Variants in ARHGAP18 observed in about 807,000 individuals in gnomAD.
ARHGAP18 encodes the protein rho GTPase-activating protein 18.
In ARHGAP18, 67 loss-of-function variants were observed where a neutral mutation model predicts 86.2. The ratio of observed to expected loss-of-function variants is 0.78; its 90% CI spans 0.64 to 0.95. The LOEUF (loss-of-function observed/expected upper bound fraction) is 0.95, where lower values mean the gene tolerates loss of function less well. Among genes scored for constraint, ARHGAP18 ranks in the 40% least tolerant of loss-of-function variants. The pLI is 0.00. For synonymous variants in ARHGAP18, 283 were observed against 280.4 expected (o/e 1.01, Z -0.09); for missense variants, 691 against 780.4 (o/e 0.89, Z 1.37).
intron 1 of ARHGAP18, among the ~76,000 whole-genome samples, chr6:129,670,350 G>A (rs1394980215): frequency 6.6e-6 from 1 of 152,192 alleles, no homozygotes; most frequent in African/African-American, 2.4e-5. Flanking sequence ...GTCACCTGGA[G>A]TTTTAGTATT....
chr6:129,610,385 A>T (rs1008830546), intron 8 of ARHGAP18, among the ~76,000 whole-genome samples: 4 of 152,234 alleles, frequency 2.6e-5, no homozygotes, highest in Non-Finnish European at 5.9e-5. Flanking sequence ...GTACCCTGGA[A>T]CAGTGGGAAG....
chr6:129,703,653 T>C (rs1340739873), intron 1 of ARHGAP18, among the ~76,000 whole-genome samples: 4 of 152,234 alleles, frequency 2.6e-5, no homozygotes, highest in Non-Finnish European at 2.9e-5. Flanking sequence ...AAATATCACA[T>C]GTCTGTGAAT....
In ARHGAP18 at chr6:129,676,315, C is replaced by G. The variant is rs571618575; in HGVS notation, c.113+33709G>C. Among the ~76,000 whole-genome samples, 7 of 152,280 alleles carry G rather than the reference C, an allele frequency of 4.6e-5. No individual in the cohort carries two copies. In the South Asian group the frequency reaches 1.5e-3, roughly 32 times the overall value. On this transcript the variant is annotated intron_variant, in intron 1 of 14. Coordinates refer to ENST00000368149, the MANE Select transcript of ARHGAP18 (RefSeq NM_033515.3). ...CTAACCACCCACAAAGGTTAAATTA[C>G]CCTAATGAGTTGCAGAGGGGGGGCA...
At chr6:129,677,294 G>A (rs1281381938) in intron 1 of ARHGAP18, among the ~76,000 whole-genome samples, 1 of 152,070 alleles carries the variant, frequency 6.6e-6, no homozygotes, top group Non-Finnish European at 1.5e-5. Context: ...TGAAGAGGCT[G>A]AGGCAGGAGA....
chr6:129,600,066 T>C (rs776066270), intron 11 of ARHGAP18, among the ~76,000 whole-genome samples: 1 of 152,168 alleles, frequency 6.6e-6, no homozygotes, highest in Non-Finnish European at 1.5e-5. Flanking sequence ...AATTAATGTT[T>C]GGAAGCTCCT....
At position 129,669,172 on chromosome 6, in the gene ARHGAP18, C is replaced by CTTT. The variant is rs760713815; in HGVS notation, c.114-27157_114-27155dup. Among the ~76,000 whole-genome samples the CTTT allele has an allele frequency of 1.9e-4, 27 of 144,976 alleles. 1 individual carries two copies. Among genetic ancestry groups the CTTT allele is most frequent in the African/African-American group, 2.8e-4 (11 of 39,702 alleles). Reference sequence around the variant, plus strand: ...TGCTGTGCTTGGCATCTAACACGCACTTTTTTTTTTTTTTCTTGAGACGGA... The same window carrying CTTT: ...TGCTGTGCTTGGCATCTAACACGCACTTTTTTTTTTTTTTTTTCTTGAGACGGA... On this transcript the variant is annotated intron_variant, in intron 1 of 14. Coordinates refer to ENST00000368149, the MANE Select transcript of ARHGAP18 (RefSeq NM_033515.3).
intron 1 of ARHGAP18, among the ~76,000 whole-genome samples, chr6:129,678,531 A>C (rs926084915): frequency 7.2e-5 from 11 of 152,232 alleles, no homozygotes; most frequent in Non-Finnish European, 1.5e-5. Context: ...AAAATTGTGG[A>C]AATTTTAATA....
chr6:129,603,525 G>A (rs1788791974), intron 10 of ARHGAP18, among the ~76,000 whole-genome samples: 1 of 152,128 alleles, frequency 6.6e-6, no homozygotes, highest in Admixed American at 6.6e-5. Flanking sequence ...CAATTACTTA[G>A]TAGCTGGGTA....
intron 11 of ARHGAP18, 137 bp downstream of exon 11, chr6:129,600,505 C>A: frequency 3.3e-6 from 2 of 613,880 alleles, no homozygotes; most frequent in Non-Finnish European, 5.3e-6. Context: ...TTCACAGGGC[C>A]CTCCTTACCT....
At chr6:129,625,076 A>C (rs1374543959) in intron 5 of ARHGAP18, among the ~76,000 whole-genome samples, 1 of 100,578 alleles carries the variant, frequency 9.9e-6, no homozygotes, top group Non-Finnish European at 1.8e-5. Context: ...TATATATAAT[A>C]TATATGATAT....
intron 1 of ARHGAP18, among the ~76,000 whole-genome samples, chr6:129,706,094 TA>T (rs1337876309): frequency 1.3e-5 from 2 of 152,096 alleles, no homozygotes; most frequent in African/African-American, 4.8e-5. Context: ...AAAGGCCCAA[TA>T]AAAAAGGTTA....
chr6:129,698,799 T>A (rs1445529730), intron 1 of ARHGAP18, among the ~76,000 whole-genome samples: 1 of 151,460 alleles, frequency 6.6e-6, no homozygotes, highest in African/African-American at 2.4e-5. Context: ...TTCAAGTAAT[T>A]CTCCTGCCTC....
chr6:129,709,014 T>A lies in ARHGAP18; in HGVS notation c.113+1010A>T, dbSNP rs1774853834. ...CTGAGTATTACAGCCATTCCTTTGA[T>A]TTTTCTCCCTCCCTCATATTTGGAG... On this transcript the variant is annotated intron_variant, in intron 1 of 14. Transcript: ENST00000368149. Among the ~76,000 whole-genome samples the A allele has an allele frequency of 2.6e-5, 4 of 152,302 alleles. 1 individual carries two copies. The South Asian group carries it at 8.3e-4, about 32-fold the overall frequency.
At chr6:129,689,071 C>A (rs1187993350) in intron 1 of ARHGAP18, among the ~76,000 whole-genome samples, 1 of 151,984 alleles carries the variant, frequency 6.6e-6, no homozygotes, top group South Asian at 2.1e-4. Flanking sequence ...ATTTATTAAA[C>A]AAGCAGAATC....
intron 1 of ARHGAP18, among the ~76,000 whole-genome samples, chr6:129,671,073 A>G (rs965480643): frequency 6.6e-6 from 1 of 152,198 alleles, no homozygotes; most frequent in South Asian, 2.1e-4. Flanking sequence ...GTCAACCTTA[A>G]CACACTTGTC....
chr6:129,607,808 G>A (rs780048883), intron 9 of ARHGAP18, 85 bp downstream of exon 9: 59 of 1,399,862 alleles, frequency 4.2e-5, no homozygotes, highest in Admixed American at 1.8e-4. Flanking sequence ...GTCTGGTTGC[G>A]TTCTTTGTGA....
In ARHGAP18 at chr6:129,675,495, C is replaced by T. The variant is rs138857839; in HGVS notation, c.114-33477G>A. Among the ~76,000 whole-genome samples, 10 of 152,036 alleles carry T rather than the reference C, an allele frequency of 6.6e-5. No individual in the cohort carries two copies. The East Asian group carries it at 1.2e-3, about 18-fold the overall frequency. On this transcript the variant is annotated intron_variant, in intron 1 of 14. Transcript: ENST00000368149. Reference sequence around the variant, plus strand: ...ATTTTTCACATCTGCAAGGTGTGGGCGGGTGTTGGAGGAGCCTTCACATTC... The same window carrying T: ...ATTTTTCACATCTGCAAGGTGTGGGTGGGTGTTGGAGGAGCCTTCACATTC...
intron 6 of ARHGAP18, among the ~76,000 whole-genome samples, chr6:129,617,612 C>G (rs897798595): frequency 6.6e-6 from 1 of 151,606 alleles, no homozygotes; most frequent in African/African-American, 2.4e-5. Flanking sequence ...GTTTCTTTGC[C>G]AGGATGCAAT....
chr6:129,664,470 A>C (rs1048514948), intron 1 of ARHGAP18, among the ~76,000 whole-genome samples: 1 of 152,182 alleles, frequency 6.6e-6, no homozygotes, highest in South Asian at 2.1e-4. Flanking sequence ...GTGTACAAAT[A>C]GAGGAATTTT....
Sources: gnomAD v4.1 joint callset for allele counts (sites outside exome capture counted in the v4.1 genomes callset) on GRCh38, gnomAD v4.1.1 for gene constraint, MANE v1.5 for transcripts, NCBI Gene and HGNC (gene_info 2026-07-23, HGNC 2026-07-21) for gene names.